The following LRP1B variants were observed in gnomAD, a reference collection of about 807,000 sequenced individuals.
LRP1B encodes the protein LDL receptor related protein 1B.
In LRP1B, 217 loss-of-function variants were observed where a neutral mutation model predicts 556.6. The ratio of observed to expected loss-of-function variants is 0.39; its 90% CI spans 0.35 to 0.44. The LOEUF (loss-of-function observed/expected upper bound fraction) is 0.44. LRP1B is among the 20% of genes least tolerant of loss of function. The pLI is 1.00. For missense variants in LRP1B, 5,053 were observed against 5,620.8 expected (o/e 0.90, Z 3.23); for synonymous variants, 2,047 against 1,865.8 (o/e 1.10, Z -2.50).
intron 43 of LRP1B, among the ~76,000 whole-genome samples, chr2:140,583,477 G>A: frequency 6.6e-6 from 1 of 151,808 alleles, no homozygotes; most frequent in East Asian, 1.9e-4. Flanking sequence ...TGCCCAGCCA[G>A]TTTCTCCTTT....
chr2:140,952,026 ACTC>A, intron 18 of LRP1B, 86 bp from the exon 19 acceptor site: 1 of 929,960 alleles, frequency 1.1e-6, no homozygotes, highest in Non-Finnish European at 1.7e-6. Flanking sequence ...TGTGATCAGA[ACTC>A]CTTCCCTGTT....
chr2:141,405,693 G>GT (rs1216902646), intron 3 of LRP1B, among the ~76,000 whole-genome samples: 4 of 152,046 alleles, frequency 2.6e-5, no homozygotes. Flanking sequence ...CTGCTAATGG[G>GT]TATGGGACAG....
rs554534955 is a variant in LRP1B at position 141,981,888 on chromosome 2, C to T, written c.82+148760G>A. Among the ~76,000 whole-genome samples the T allele has an allele frequency of 6.6e-5, 10 of 152,192 alleles. No individual in the cohort carries two copies. The South Asian group carries it at 2.1e-3, about 32-fold the overall frequency. On this transcript the variant is annotated intron_variant, in intron 1 of 90. Transcript: ENST00000389484. ...ACTTCCCTGCTCTCCCTTCTGTTTG[C>T]TGGGTATCTCCACCTTCATCCCAGG...
chr2:140,684,183 T>TG (rs1389615949), intron 41 of LRP1B, among the ~76,000 whole-genome samples: 1 of 152,352 alleles, frequency 6.6e-6, no homozygotes. Flanking sequence ...TTACTGAATA[T>TG]GGCTTCTATG....
At chr2:141,482,575 A>T (rs1442435408) in intron 2 of LRP1B, among the ~76,000 whole-genome samples, 2 of 152,120 alleles carry the variant, frequency 1.3e-5, no homozygotes, top group East Asian at 3.9e-4. Flanking sequence ...CAGGAGTAAA[A>T]GTAAGTGAAA....
intron 90 of LRP1B, among the ~76,000 whole-genome samples, chr2:140,233,942 T>G (rs1013023819): frequency 2.0e-5 from 3 of 151,312 alleles, no homozygotes; most frequent in Non-Finnish European, 4.4e-5. Flanking sequence ...ACATAGCATT[T>G]TGAAGTAGAA....
At position 140,510,010 on chromosome 2, in the gene LRP1B, A is replaced by G; in HGVS notation, c.8316T>C (p.Arg2772=). 1 of 1,613,990 alleles carries G rather than the reference A, an allele frequency of 6.2e-7. No homozygotes were observed. ...AADMFSCQGS[R]ACVPRHWLCD... ...AAAGCCAATGTCGGGGCACGCAGGC[A>G]CGAGAGCCCTGGCAGCTGAACATGT... Residue 2772 remains arginine (R), a synonymous_variant, in exon 52 of 91, where the codon CGT becomes CGC. Coordinates refer to ENST00000389484, the MANE Select transcript of LRP1B (RefSeq NM_018557.3).
chr2:140,370,880 T>C (rs773908917), intron 70 of LRP1B, 38 bp from the exon 71 acceptor site: 4 of 1,603,584 alleles, frequency 2.5e-6, no homozygotes, highest in East Asian at 4.5e-5. Flanking sequence ...TTTTCATTAA[T>C]GATAATGATA....
chr2:141,774,519 T>G (rs987904633), intron 2 of LRP1B, among the ~76,000 whole-genome samples: 15 of 152,028 alleles, frequency 9.9e-5, no homozygotes, highest in African/African-American at 3.4e-4. Flanking sequence ...CCTACCATAC[T>G]CCACCTCCAA....
At chr2:140,604,810 T>A (rs187573156) in intron 41 of LRP1B, among the ~76,000 whole-genome samples, 30 of 151,846 alleles carry the variant, frequency 2.0e-4, no homozygotes, top group African/African-American at 7.0e-4. Flanking sequence ...GTGGCAGGTT[T>A]TTCCATGCTG....
intron 1 of LRP1B, among the ~76,000 whole-genome samples, chr2:141,998,714 CG>C (rs1320294283): frequency 6.6e-6 from 1 of 152,112 alleles, no homozygotes; most frequent in Non-Finnish European, 1.5e-5. Flanking sequence ...TACATAGATT[CG>C]GTCTGAAAGG....
intron 1 of LRP1B, among the ~76,000 whole-genome samples, chr2:142,062,038 C>T (rs11688838): frequency 0.49 from 73,956 of 151,488 alleles, 18,514 homozygotes; most frequent in East Asian, 0.69. Context: ...TCTGCTGGAG[C>T]TCTTCCCATA....
intron 7 of LRP1B, among the ~76,000 whole-genome samples, chr2:141,186,433 A>G (rs1574168673): frequency 6.6e-6 from 1 of 152,072 alleles, no homozygotes; most frequent in Admixed American, 6.6e-5. Context: ...GTTCTTAGAT[A>G]GAATCACATC....
chr2:141,283,307 A>G (rs2105392287), intron 3 of LRP1B, among the ~76,000 whole-genome samples: 1 of 152,266 alleles, frequency 6.6e-6, no homozygotes, highest in East Asian at 1.9e-4. Context: ...TGAGAGGAAT[A>G]AAGATTTATC....
chr2:141,740,387 G>A (rs1372772118), intron 2 of LRP1B, among the ~76,000 whole-genome samples: 3 of 152,092 alleles, frequency 2.0e-5, no homozygotes, highest in Admixed American at 2.0e-4. Context: ...AATCAAATGT[G>A]CAAATAACAC....
chr2:141,646,679 A>G (rs1453324315), intron 2 of LRP1B, among the ~76,000 whole-genome samples: 1 of 152,142 alleles, frequency 6.6e-6, no homozygotes, highest in Non-Finnish European at 1.5e-5. Context: ...ATTACACAGT[A>G]AAAAGCTCAA....
At chr2:140,271,835 A>G (rs2104946661) in intron 85 of LRP1B, among the ~76,000 whole-genome samples, 1 of 152,072 alleles carries the variant, frequency 6.6e-6, no homozygotes, top group South Asian at 2.1e-4. Flanking sequence ...CTAATAGACT[A>G]AGTGCATCTG....
intron 2 of LRP1B, among the ~76,000 whole-genome samples, chr2:141,627,158 C>T (rs1232265544): frequency 6.6e-6 from 1 of 152,142 alleles, no homozygotes; most frequent in Non-Finnish European, 1.5e-5. Context: ...ATGGAAGAAA[C>T]TTAAGTGCAT....
rs564361941 is a variant in LRP1B, at chr2:141,881,203, T to C, written c.83-70802A>G. Among the ~76,000 whole-genome samples, 67 of 152,198 alleles carry C rather than the reference T, an allele frequency of 4.4e-4. No homozygotes were observed. In the Middle Eastern group the frequency reaches 0.017, roughly 39 times the overall value. ...CCTTGATGGTATAAAAGCAAAGGTATTGCTGAAATTGCGTGAGAGAAGGGG... is the reference window on the plus strand; with the variant it reads ...CCTTGATGGTATAAAAGCAAAGGTACTGCTGAAATTGCGTGAGAGAAGGGG... On this transcript the variant is annotated intron_variant, in intron 1 of 90. Coordinates refer to ENST00000389484, the MANE Select transcript of LRP1B (RefSeq NM_018557.3).
Sources: allele counts gnomAD v4.1 joint callset (sites outside exome capture counted in the v4.1 genomes callset), GRCh38; gene constraint gnomAD v4.1.1; transcripts MANE v1.5; gene names NCBI Gene and HGNC (gene_info 2026-07-23, HGNC 2026-07-21).